Variants in SLC27A1 observed in about 807,000 individuals in gnomAD.
SLC27A1 encodes the protein long-chain fatty acid transport protein 1.
A neutral mutation model predicts 62.2 loss-of-function variants in SLC27A1; 61 were observed. The observed-to-expected ratio is 0.98, with a 90% CI of 0.80 to 1.21. SLC27A1 has a LOEUF of 1.21. Ranked by LOEUF, SLC27A1 falls within the 50% of genes most tolerant of loss-of-function variation. The pLI, the probability that SLC27A1 is intolerant of heterozygous loss-of-function variation, is 0.00. For synonymous variants in SLC27A1, 435 were observed against 408.6 expected (o/e 1.06, Z -0.78); for missense variants, 903 against 932.1 (o/e 0.97, Z 0.41).
In SLC27A1 at chr19:17,479,047, T is replaced by C. The variant is rs990006435; in HGVS notation, c.168-7516T>C. Among the ~76,000 whole-genome samples, 6 of 151,730 alleles carry C rather than the reference T, an allele frequency of 4.0e-5. No individual in the cohort carries two copies. In the East Asian group the frequency reaches 1.2e-3, roughly 29 times the overall value. On this transcript the variant is annotated intron_variant, in intron 1 of 11. Transcript: ENST00000252595. Reference sequence around the variant, plus strand: ...TGGAGTTTGAGGCCGTAGTGAGTTATAATGGTGCCACCGCACTCCAGACTA... The same window carrying C: ...TGGAGTTTGAGGCCGTAGTGAGTTACAATGGTGCCACCGCACTCCAGACTA...
chr19:17,492,880 G>A (rs2075308369), intron 6 of SLC27A1, among the ~76,000 whole-genome samples: 1 of 151,940 alleles, frequency 6.6e-6, no homozygotes, highest in African/African-American at 2.4e-5. Flanking sequence ...GGAAGTTGCA[G>A]TGAGAGCCGA....
intron 6 of SLC27A1, among the ~76,000 whole-genome samples, chr19:17,491,925 T>C (rs2075298164): frequency 6.6e-6 from 1 of 152,058 alleles, no homozygotes; most frequent in African/African-American, 2.4e-5. Context: ...CATCTGTAGG[T>C]GCCTTTTCTC....
rs1445381402 is a variant in SLC27A1, at chr19:17,482,434, C to G, written c.168-4129C>G. ...TTGGGAGGCCGAGGCGGGTGGATCA[C>G]GAGGTCAAGAAATGGAGACCATTCT... On this transcript the variant is annotated intron_variant, in intron 1 of 11. Transcript: ENST00000252595. Among the ~76,000 whole-genome samples the G allele has an allele frequency of 2.0e-5, 3 of 152,026 alleles. No individual in the cohort carries two copies. In the South Asian group the frequency reaches 6.2e-4, roughly 32 times the overall value.
chr19:17,484,941 G>T (rs2075213971), intron 1 of SLC27A1, among the ~76,000 whole-genome samples: 1 of 152,072 alleles, frequency 6.6e-6, no homozygotes, highest in African/African-American at 2.4e-5. Context: ...GGGGCAGGTG[G>T]GTGGAGCCCC....
intron 1 of SLC27A1, among the ~76,000 whole-genome samples, chr19:17,480,607 A>T (rs2075167998): frequency 1.5e-5 from 2 of 131,954 alleles, no homozygotes; most frequent in Non-Finnish European, 3.1e-5. Flanking sequence ...CAAACTCCTG[A>T]GCTCAAGTGA....
At chr19:17,482,455 A>T (rs1360480357) in intron 1 of SLC27A1, among the ~76,000 whole-genome samples, 1 of 152,052 alleles carries the variant, frequency 6.6e-6, no homozygotes, top group Non-Finnish European at 1.5e-5. Context: ...AATGGAGACC[A>T]TTCTGGCTAA....
chr19:17,500,683 C>T (rs925776618), intron 9 of SLC27A1, 29 bp from the exon 10 acceptor site: 1 of 1,614,042 alleles, frequency 6.2e-7, no homozygotes. Context: ...GGGGATCCTC[C>T]ACCCATCTGC....
At chr19:17,501,967 T>A (rs536418088) in intron 11 of SLC27A1, among the ~76,000 whole-genome samples, 2 of 150,368 alleles carry the variant, frequency 1.3e-5, no homozygotes, top group African/African-American at 4.9e-5. Flanking sequence ...CAAAAAAAAA[T>A]TAGCCAGGCA....
intron 1 of SLC27A1, among the ~76,000 whole-genome samples, chr19:17,477,494 T>G (rs1418211265): frequency 1.3e-5 from 2 of 151,916 alleles, no homozygotes; most frequent in African/African-American, 4.8e-5. Context: ...TCCACCCACC[T>G]TGGCCTCCCA....
chr19:17,502,551 A>C (rs1217010137), intron 11 of SLC27A1, among the ~76,000 whole-genome samples: 3 of 150,792 alleles, frequency 2.0e-5, no homozygotes, highest in African/African-American at 4.9e-5. Context: ...ATCGAGTTTT[A>C]CCATATTGGC....
chr19:17,500,640 G>A lies in SLC27A1; in HGVS notation c.1471+8G>A, dbSNP rs762684610. The A allele has an allele frequency of 4.3e-6, 7 of 1,613,874 alleles. No individual in the cohort carries two copies. Among genetic ancestry groups the A allele is most frequent in the Non-Finnish European group, 5.9e-6 (7 of 1,179,968 alleles). ...ACAGCGCCTACCTCTCAGGTGCGCA[G>A]CCTGCTAGGCCCCGGTGACTGGCTG... On this transcript the variant is annotated splice_region_variant and intron_variant, in intron 9 of 11. Coordinates refer to ENST00000252595, the MANE Select transcript of SLC27A1 (RefSeq NM_198580.3).
At chr19:17,498,400 C>T (rs1435900147) in intron 7 of SLC27A1, 1 of 153,348 alleles carries the variant, frequency 6.5e-6, no homozygotes, top group Non-Finnish European at 1.5e-5. Flanking sequence ...CAGCAAGTGC[C>T]ATGGGGGCTG....
At chr19:17,484,749 T>C (rs978843920) in intron 1 of SLC27A1, among the ~76,000 whole-genome samples, 6 of 152,086 alleles carry the variant, frequency 3.9e-5, no homozygotes, top group African/African-American at 1.4e-4. Flanking sequence ...AGAGCATGAA[T>C]GAATGACCGA....
intron 1 of SLC27A1, among the ~76,000 whole-genome samples, chr19:17,476,623 A>G (rs2075125264): frequency 1.3e-5 from 2 of 151,684 alleles, no homozygotes; most frequent in Admixed American, 6.6e-5. Flanking sequence ...GCCACTGGCT[A>G]CGTCGCCAGC....
chr19:17,482,164 A>G (rs577217609), intron 1 of SLC27A1, among the ~76,000 whole-genome samples: 2 of 152,254 alleles, frequency 1.3e-5, no homozygotes, highest in South Asian at 4.1e-4. Context: ...TCTACCCAGT[A>G]TAGGGAGGGA....
chr19:17,471,909 A>C (rs2075080237), intron 1 of SLC27A1, among the ~76,000 whole-genome samples: 1 of 152,108 alleles, frequency 6.6e-6, no homozygotes, highest in Non-Finnish European at 1.5e-5. Flanking sequence ...AGGTCCTACC[A>C]TCTGTTCCCT....
rs1044566848 is a variant in SLC27A1, at chr19:17,505,720, A to C, written c.*1108A>C. The C allele has an allele frequency of 8.5e-5, 13 of 152,534 alleles. No homozygotes were observed. Among genetic ancestry groups the C allele is most frequent in the African/African-American group, 2.9e-4 (12 of 41,386 alleles). 9.4% of individuals were successfully genotyped at this position (152,534 alleles called of 1,614,324 possible). A position where few individuals can be genotyped will look rare whatever the true frequency, so the allele number is the denominator to read the frequency against. ...GCCAGCTGCCTCCTGTCCTGGGAGG[A>C]GGCCTCCTGGGTGTCCTCATCTGGT... is the stretch of plus-strand genomic sequence containing the variant. On this transcript the variant is annotated 3_prime_UTR_variant, in exon 12 of 12. Transcript: ENST00000252595.
chr19:17,498,995 T>A (rs2075379789), intron 7 of SLC27A1: 1 of 154,050 alleles, frequency 6.5e-6, no homozygotes, highest in African/African-American at 2.4e-5. Context: ...ACTAGGAGCA[T>A]GACCACTGAA....
chr19:17,500,354 C>A lies in SLC27A1; in HGVS notation c.1283C>A (p.Thr428Lys), dbSNP rs766282549. 2 of 1,614,206 alleles carry A rather than the reference C, an allele frequency of 1.2e-6. No homozygotes were observed. Among genetic ancestry groups the A allele is most frequent in the South Asian group, 1.1e-5 (1 of 91,082 alleles). Residue 428 changes from threonine (T) to lysine (K), a missense_variant, in exon 8 of 12, where the codon ACA (threonine) becomes AAA (lysine). Transcript: ENST00000252595. ...PIRLVKVNED[T>K]MELLRDAQGL... The stretch of plus-strand genomic sequence containing the variant: ...CGGCTGGTGAAGGTCAATGAGGACA[C>A]AATGGAGCTGCTGCGGGATGCCCAG...
Sources: allele counts gnomAD v4.1 joint callset (sites outside exome capture counted in the v4.1 genomes callset), GRCh38; gene constraint gnomAD v4.1.1; transcripts MANE v1.5; gene names NCBI Gene and HGNC (gene_info 2026-07-23, HGNC 2026-07-21).